Variants in GLRA3 observed in about 807,000 individuals in gnomAD.
GLRA3 encodes the protein glycine receptor alpha 3, also known as glycine receptor subunit alpha-3.
Under a neutral mutation model 60.4 loss-of-function variants are expected in GLRA3, and 44 were observed. The ratio of observed to expected loss-of-function variants is 0.73; its 90% CI spans 0.57 to 0.94. GLRA3 has a LOEUF of 0.94. Among genes scored for constraint, GLRA3 ranks in the 40% least tolerant of loss-of-function variants. The pLI, the probability that GLRA3 is intolerant of heterozygous loss-of-function variation, is 0.00. For missense variants in GLRA3, 508 were observed against 564.6 expected, an observed-to-expected ratio of 0.90 and a Z score of 1.02; for synonymous variants, 223 against 192.9, an observed-to-expected ratio of 1.16 and a Z score of -1.29.
intron 7 of GLRA3, among the ~76,000 whole-genome samples, chr4:174,659,711 C>T (rs1733362945): frequency 6.6e-6 from 1 of 152,066 alleles, no homozygotes; most frequent in Non-Finnish European, 1.5e-5. Context: ...GTGGCTCACG[C>T]CTGTAATCCT....
chr4:174,809,100 C>T (rs541574070), intron 1 of GLRA3, among the ~76,000 whole-genome samples: 2 of 152,276 alleles, frequency 1.3e-5, no homozygotes, highest in African/African-American at 4.8e-5. Flanking sequence ...ATCGTAAGTG[C>T]TCTATACAGG....
chr4:174,788,073 T>C (rs1739189533), intron 2 of GLRA3, among the ~76,000 whole-genome samples: 1 of 149,714 alleles, frequency 6.7e-6, no homozygotes. Flanking sequence ...TTCTTTAACT[T>C]TGTTTATTTT....
At chr4:174,802,093 T>C (rs988015795) in intron 1 of GLRA3, among the ~76,000 whole-genome samples, 2 of 151,976 alleles carry the variant, frequency 1.3e-5, no homozygotes, top group African/African-American at 4.8e-5. Flanking sequence ...CAGAATTTGA[T>C]CCTCCAAACC....
intron 6 of GLRA3, among the ~76,000 whole-genome samples, chr4:174,677,544 G>A (rs1192108999): frequency 6.9e-6 from 1 of 145,374 alleles, no homozygotes; most frequent in South Asian, 2.2e-4. Flanking sequence ...TTTTTTTGTA[G>A]AGATGTGGTT....
chr4:174,657,061 G>GT (rs1444475971), intron 8 of GLRA3, among the ~76,000 whole-genome samples: 10 of 152,064 alleles, frequency 6.6e-5, no homozygotes, highest in Non-Finnish European at 1.5e-5. Flanking sequence ...AGATATGATT[G>GT]TTTTTGCATT....
rs566905822 is a variant in GLRA3 at position 174,691,536 on chromosome 4, C to T, written c.575-8597G>A. Among the ~76,000 whole-genome samples the T allele has an allele frequency of 7.3e-3, 1,113 of 152,292 alleles. 13 individuals carry two copies. The highest frequency in any genetic ancestry group is 0.025 in the African/African-American group (1,055 of 41,556). ...TGCCGAGTGCCTGCGATTGCAGGCG[C>T]GCGCGCCGCCACGCCTGACTGGTTT... On this transcript the variant is annotated intron_variant, in intron 5 of 9. Transcript: ENST00000274093.
intron 4 of GLRA3, among the ~76,000 whole-genome samples, chr4:174,719,353 A>T (rs1471781296): frequency 6.6e-6 from 1 of 152,204 alleles, no homozygotes; most frequent in East Asian, 1.9e-4. Flanking sequence ...GACATTTTAA[A>T]TTATGTATTT....
At chr4:174,703,466 A>G (rs1053361840) in intron 5 of GLRA3, among the ~76,000 whole-genome samples, 1 of 152,126 alleles carries the variant, frequency 6.6e-6, no homozygotes, top group East Asian at 1.9e-4. Context: ...TTATTGACAA[A>G]CTATTATTTA....
At chr4:174,705,797 G>C (rs1735487222) in intron 5 of GLRA3, among the ~76,000 whole-genome samples, 1 of 99,714 alleles carries the variant, frequency 1.0e-5, no homozygotes, top group African/African-American at 3.2e-5. Flanking sequence ...AGTGAGAAAT[G>C]AGAGACATTT....
intron 7 of GLRA3, among the ~76,000 whole-genome samples, chr4:174,672,517 C>A (rs535211159): frequency 1.3e-5 from 2 of 152,038 alleles, no homozygotes; most frequent in Non-Finnish European, 2.9e-5. Flanking sequence ...TGAGCACAAG[C>A]CTTGCATGTT....
intron 7 of GLRA3, among the ~76,000 whole-genome samples, chr4:174,668,701 C>T (rs541215329): frequency 3.4e-4 from 51 of 151,786 alleles, no homozygotes; most frequent in African/African-American, 1.0e-3. Flanking sequence ...TAAACCAGAA[C>T]CTGGAGTTTG....
intron 1 of GLRA3, among the ~76,000 whole-genome samples, chr4:174,793,031 A>T (rs973696981): frequency 6.6e-6 from 1 of 152,212 alleles, no homozygotes; most frequent in Non-Finnish European, 1.5e-5. Flanking sequence ...TTTTTCTTCA[A>T]TATACAACTT....
chr4:174,655,728 A>G (rs1477907923), intron 9 of GLRA3, among the ~76,000 whole-genome samples: 1 of 152,124 alleles, frequency 6.6e-6, no homozygotes, highest in African/African-American at 2.4e-5. Context: ...GATCATGTGA[A>G]ATTATCTTTC....
chr4:174,730,676 A>T (rs546975649), intron 3 of GLRA3, among the ~76,000 whole-genome samples: 1 of 152,306 alleles, frequency 6.6e-6, no homozygotes, highest in South Asian at 2.1e-4. Context: ...TTCCGGGAAC[A>T]CTTTTTGCTC....
At chr4:174,790,716 C>G (rs1235746107) in intron 1 of GLRA3, among the ~76,000 whole-genome samples, 1 of 150,206 alleles carries the variant, frequency 6.7e-6, no homozygotes, top group African/African-American at 2.5e-5. Context: ...TGCGGTGGCT[C>G]ACGCCTGTAA....
chr4:174,779,132 G>A (rs1010442428), intron 2 of GLRA3, among the ~76,000 whole-genome samples: 7 of 152,330 alleles, frequency 4.6e-5, no homozygotes, highest in Non-Finnish European at 1.0e-4. Context: ...CTGAGAACGG[G>A]CAGACTGCTT....
chr4:174,792,809 CAGACAAGTTAAATAATGATCATT>C (rs1739409689), intron 1 of GLRA3, among the ~76,000 whole-genome samples: 1 of 152,124 alleles, frequency 6.6e-6, no homozygotes, highest in Admixed American at 6.5e-5. Flanking sequence ...AGAAAACCTG[CAGACAAGTTAAATAATGATCATT>C]CTTAAAGAAT....
At chr4:174,733,660 C>G (rs954353249) in intron 3 of GLRA3, among the ~76,000 whole-genome samples, 1 of 152,160 alleles carries the variant, frequency 6.6e-6, no homozygotes, top group Non-Finnish European at 1.5e-5. Flanking sequence ...CTTAAATAAA[C>G]AGTTCACCTT....
At chr4:174,659,395 T>A (rs111484273) in intron 7 of GLRA3, among the ~76,000 whole-genome samples, 198 bp from the exon 8 acceptor site, 1 of 152,310 alleles carries the variant, frequency 6.6e-6, no homozygotes, top group African/African-American at 2.4e-5. Context: ...TGTTAATTTT[T>A]TTCAAATTTA....
Sources: allele counts gnomAD v4.1 joint callset (sites outside exome capture counted in the v4.1 genomes callset), GRCh38; gene constraint gnomAD v4.1.1; transcripts MANE v1.5; gene names NCBI Gene and HGNC (gene_info 2026-07-23, HGNC 2026-07-21).